PTPN11: variants seen among roughly 807,000 people sequenced by gnomAD.
The protein encoded by PTPN11 is tyrosine-protein phosphatase non-receptor type 11.
PTPN11 carries 6 observed loss-of-function variants against 78.8 expected under a neutral mutation model. The observed-to-expected ratio is 0.08, with a 90% CI of 0.04 to 0.15. The LOEUF (loss-of-function observed/expected upper bound fraction) is 0.15, where lower values mean the gene tolerates loss of function less well. Ranked by LOEUF, PTPN11 falls within the 10% of genes least tolerant of loss-of-function variation. PTPN11 has a pLI of 1.00. For missense variants in PTPN11, 386 were observed against 744.8 expected, an observed-to-expected ratio of 0.52 and a Z score of 5.61; for synonymous variants, 221 against 263.5, an observed-to-expected ratio of 0.84 and a Z score of 1.56.
intron 1 of PTPN11, among the ~76,000 whole-genome samples, chr12:112,442,873 T>A (rs1351301889): frequency 1.3e-5 from 1 of 78,300 alleles, no homozygotes; most frequent in Non-Finnish European, 2.4e-5. Flanking sequence ...TATATATATA[T>A]ATATAAATTA....
At chr12:112,497,808 A>C (rs2038830598) in intron 13 of PTPN11, among the ~76,000 whole-genome samples, 1 of 152,132 alleles carries the variant, frequency 6.6e-6, no homozygotes, top group Non-Finnish European at 1.5e-5. Context: ...CTTTATTTGG[A>C]GGGACATGGA....
chr12:112,446,038 C>A (rs1172323009), intron 1 of PTPN11, among the ~76,000 whole-genome samples: 1 of 152,070 alleles, frequency 6.6e-6, no homozygotes, highest in East Asian at 1.9e-4. Flanking sequence ...AATACCCTAG[C>A]CCCCAGTCCC....
chr12:112,426,130 T>C (rs949215965), intron 1 of PTPN11, among the ~76,000 whole-genome samples: 4 of 152,244 alleles, frequency 2.6e-5, no homozygotes, highest in Non-Finnish European at 5.9e-5. Context: ...ATTTTCTTTT[T>C]GTTTCATCAG....
chr12:112,483,767 G>A (rs2038632902), intron 10 of PTPN11, among the ~76,000 whole-genome samples: 1 of 152,192 alleles, frequency 6.6e-6, no homozygotes, highest in African/African-American at 2.4e-5. Context: ...AGAGCTGACT[G>A]GAGGCAGACA....
In PTPN11 at chr12:112,440,563, C is replaced by CTT. The variant is rs772805515; in HGVS notation, c.15-5686_15-5685dup. ...ACAGGCGTGAGCCACTGTGCCTGGC[C>CTT]TTTTTTTTTTTTTTTTTTTTTTTTT... On this transcript the variant is annotated intron_variant, in intron 1 of 15. Coordinates refer to ENST00000351677, the MANE Select transcript of PTPN11 (RefSeq NM_002834.5). Among the ~76,000 whole-genome samples, 133 of 90,710 alleles carry CTT rather than the reference C, an allele frequency of 1.5e-3. 12 individuals are homozygous for CTT. Among genetic ancestry groups the CTT allele is most frequent in the Middle Eastern group, 0.015 (2 of 130 alleles). The allele number at this position is 90,710 out of a possible 152,430, so 59.5% of individuals were successfully genotyped here.
chr12:112,424,325 A>T (rs1364265717), intron 1 of PTPN11, among the ~76,000 whole-genome samples: 1 of 152,206 alleles, frequency 6.6e-6, no homozygotes, highest in Non-Finnish European at 1.5e-5. Context: ...AGCAGACCAC[A>T]TAGGGATTCT....
chr12:112,440,093 G>T (rs991360019), intron 1 of PTPN11, among the ~76,000 whole-genome samples: 1 of 152,060 alleles, frequency 6.6e-6, no homozygotes, highest in Non-Finnish European at 1.5e-5. Context: ...ATTACTTTTT[G>T]ATTCCTTAGA....
chr12:112,500,001 T>C (rs543914475), intron 13 of PTPN11, among the ~76,000 whole-genome samples: 4 of 150,844 alleles, frequency 2.7e-5, no homozygotes, highest in Non-Finnish European at 5.9e-5. Flanking sequence ...CCCAGCACTT[T>C]GGGAGGCCGA....
At chr12:112,471,140 A>G (rs1329592632) in intron 6 of PTPN11, among the ~76,000 whole-genome samples, 1 of 152,236 alleles carries the variant, frequency 6.6e-6, no homozygotes, top group African/African-American at 2.4e-5. Flanking sequence ...ATACCAATTT[A>G]AAGTCCAGAC....
At position 112,477,988 on chromosome 12, in the gene PTPN11, G is replaced by A; in HGVS notation, c.1065G>A (p.Met355Ile). The A allele has an allele frequency of 6.2e-7, 1 of 1,614,118 alleles. No homozygotes were observed. The highest frequency in any genetic ancestry group is 1.1e-5 in the South Asian group (1 of 91,078). The change falls in exon 9 of 16, where the codon ATG (methionine) becomes ATA (isoleucine). Residue 355 changes from methionine to isoleucine, a missense_variant. This residue lies in a region of PTPN11 where 279 missense variants were observed against 503.3 expected (regional missense o/e 0.55). Coordinates refer to ENST00000351677, the MANE Select transcript of PTPN11 (RefSeq NM_002834.5). Reference protein sequence around the residue: ...VFQENSRVIVMTTKEVERGKS... With the variant: ...VFQENSRVIVITTKEVERGKS... ...AAGAAAACTCCCGAGTGATTGTCAT[G>A]ACAACGAAAGAAGTGGAGAGAGGAA...
chr12:112,424,813 C>T (rs1181352688), intron 1 of PTPN11, among the ~76,000 whole-genome samples: 1 of 151,980 alleles, frequency 6.6e-6, no homozygotes, highest in Non-Finnish European at 1.5e-5. Flanking sequence ...CATTCTCCCA[C>T]CTCAGCCTCC....
chr12:112,450,655 G>A, intron 3 of PTPN11, 143 bp downstream of exon 3: 1 of 843,816 alleles, frequency 1.2e-6, no homozygotes, highest in Non-Finnish European at 2.0e-6. Flanking sequence ...AATTACTAAA[G>A]TGAGACTAAT....
chr12:112,452,418 G>T (rs1484713153), intron 3 of PTPN11, among the ~76,000 whole-genome samples: 1 of 152,032 alleles, frequency 6.6e-6, no homozygotes, highest in East Asian at 1.9e-4. Flanking sequence ...CAGAGACAGG[G>T]TTTCACCATG....
At chr12:112,433,156 C>T (rs2037739173) in intron 1 of PTPN11, among the ~76,000 whole-genome samples, 1 of 152,194 alleles carries the variant, frequency 6.6e-6, no homozygotes, top group Non-Finnish European at 1.5e-5. Flanking sequence ...CCACCATTTA[C>T]AGGCACCTGG....
intron 11 of PTPN11, among the ~76,000 whole-genome samples, chr12:112,487,131 CTCT>C (rs1233186627): frequency 6.9e-6 from 1 of 145,832 alleles, no homozygotes; most frequent in Non-Finnish European, 1.5e-5. Flanking sequence ...CTCTCTCTCT[CTCT>C]TTTTTTTTTT....
rs1283594302 is a variant in PTPN11 at position 112,509,533 on chromosome 12, G to A, written c.*3741G>A. On this transcript the variant is annotated 3_prime_UTR_variant, in exon 16 of 16. Coordinates refer to ENST00000351677, the MANE Select transcript of PTPN11 (RefSeq NM_002834.5). ...GCAGTATATGAAGTATTGTACCAGA[G>A]TATTAAAAGATATGTAATATTTTAT... 6.6e-6 allele frequency: 1 copy of A among 152,578 alleles called. No homozygotes were observed. The highest frequency in any genetic ancestry group is 1.5e-5 in the Non-Finnish European group (1 of 68,030). 9.5% of individuals were successfully genotyped at this position (152,578 alleles called of 1,614,324 possible).
chr12:112,455,688 C>G lies in PTPN11; in HGVS notation c.643-262C>G, dbSNP rs138156003. ...ATATAATCTCTCTAAATAATGTGGT[C>G]TATTCATAAAGAAAAATAGGCTTGA... On this transcript the variant is annotated intron_variant, in intron 5 of 15. Transcript: ENST00000351677. Among the ~76,000 whole-genome samples the G allele has an allele frequency of 5.6e-3, 854 of 152,168 alleles. 7 individuals carry two copies. Among genetic ancestry groups the G allele is most frequent in the African/African-American group, 0.019 (804 of 41,508 alleles).
At position 112,482,128 on chromosome 12, in the gene PTPN11, A is replaced by G. The variant is rs2038606256; in HGVS notation, c.1147A>G (p.Met383Val). Residue 383 changes from methionine to valine, a missense_variant, in exon 10 of 16, where the codon ATG (methionine) becomes GTG (valine). Coordinates refer to ENST00000351677, the MANE Select transcript of PTPN11 (RefSeq NM_002834.5). The surrounding 1 kb of genome is among the most constrained non-coding windows in gnomAD (Gnocchi z 4.4). ...GTATGCTCTAAAAGAATATGGCGTC[A>G]TGCGTGTTAGGAACGTCAAAGAAAG... ...DEYALKEYGV[M>V]RVRNVKESAA... 6.2e-7 allele frequency: 1 copy of G among 1,600,692 alleles called. No homozygotes were observed. The highest frequency in any genetic ancestry group is 8.6e-7 in the Non-Finnish European group (1 of 1,167,754).
Position 112,450,481 on chromosome 12 carries a change from C to T in PTPN11, c.301C>T (p.Pro101Ser), listed in dbSNP as rs747470140. Residue 101 changes from proline (P) to serine (S), a missense_variant, in exon 3 of 16, where the codon CCT becomes TCT. Around this residue, in one of 3 missense-constraint regions of PTPN11, gnomAD observed 279 missense variants for 503.3 expected, o/e 0.55. Coordinates refer to ENST00000351677, the MANE Select transcript of PTPN11 (RefSeq NM_002834.5). The part of the protein sequence containing the change: ...KNGDVIELKY[P>S]LNCADPTSER... Reference sequence around the variant, plus strand: ...TGGAGATGTCATTGAGCTTAAATATCCTCTGAACTGTGCAGATCCTACCTC... The same window carrying T: ...TGGAGATGTCATTGAGCTTAAATATTCTCTGAACTGTGCAGATCCTACCTC... 2 of 1,614,010 alleles carry T rather than the reference C, an allele frequency of 1.2e-6. No individual in the cohort carries two copies. The highest frequency in any genetic ancestry group is 1.7e-6 in the Non-Finnish European group (2 of 1,179,926).
Sources: gnomAD v4.1 joint callset for allele counts (sites outside exome capture counted in the v4.1 genomes callset) on GRCh38, gnomAD v4.1.1 for gene constraint, gnomAD v4.1.1 regional missense constraint, Gnocchi (gnomAD v3.1) non-coding constraint, MANE v1.5 for transcripts, NCBI Gene and HGNC (gene_info 2026-07-23, HGNC 2026-07-21) for gene names.